TTC17: variants seen among roughly 807,000 people sequenced by gnomAD.
TTC17 encodes the protein tetratricopeptide repeat protein 17.
Under a neutral mutation model 143.8 loss-of-function variants are expected in TTC17, and 58 were observed. The observed-to-expected ratio is 0.40, with a 90% CI of 0.33 to 0.50. The LOEUF (loss-of-function observed/expected upper bound fraction) is 0.50. Among genes scored for constraint, TTC17 ranks in the 20% least tolerant of loss-of-function variants. The probability of loss-of-function intolerance (pLI) is 0.49; values close to 1 mark genes in which losing one functional copy is unlikely to be tolerated. For synonymous variants in TTC17, 501 were observed against 497.8 expected (o/e 1.01, Z -0.09); for missense variants, 1,273 against 1,392.5 (o/e 0.91, Z 1.37).
chr11:43,453,205 T>G, intron 21 of TTC17, among the ~76,000 whole-genome samples: 1 of 152,016 alleles, frequency 6.6e-6, no homozygotes, highest in East Asian at 1.9e-4. Context: ...AAATTGAAGA[T>G]AACATGTTAG....
chr11:43,434,176 C>CGG (rs1947227677), intron 16 of TTC17, among the ~76,000 whole-genome samples: 1 of 3,138 alleles, frequency 3.2e-4, no homozygotes, highest in Non-Finnish European at 8.2e-4. Flanking sequence ...GGGACACACA[C>CGG]ACACACACAC....
intron 15 of TTC17, among the ~76,000 whole-genome samples, chr11:43,409,630 G>A (rs1348809646): frequency 6.6e-6 from 1 of 152,178 alleles, no homozygotes; most frequent in Non-Finnish European, 1.5e-5. Context: ...AGAGTTAAAT[G>A]TACAGAGTAA....
At chr11:43,433,543 G>C (rs915187425) in intron 16 of TTC17, among the ~76,000 whole-genome samples, 1 of 152,168 alleles carries the variant, frequency 6.6e-6, no homozygotes, top group Non-Finnish European at 1.5e-5. Context: ...CACATGGCTT[G>C]CACAAGATGT....
chr11:43,370,894 ACTC>A (rs1856543097), intron 1 of TTC17, among the ~76,000 whole-genome samples: 1 of 151,758 alleles, frequency 6.6e-6, no homozygotes, highest in Non-Finnish European at 1.5e-5. Context: ...GCAGCCTCAA[ACTC>A]CTCAAGTGGT....
chr11:43,412,059 A>G (rs1201607832), intron 15 of TTC17, among the ~76,000 whole-genome samples: 1 of 152,246 alleles, frequency 6.6e-6, no homozygotes, highest in Non-Finnish European at 1.5e-5. Context: ...GCACACAAGC[A>G]AATATAAAAA....
At chr11:43,384,887 G>T (rs1192524789) in intron 2 of TTC17, among the ~76,000 whole-genome samples, 1 of 152,092 alleles carries the variant, frequency 6.6e-6, no homozygotes, top group Non-Finnish European at 1.5e-5. Context: ...TAGGTTTTCA[G>T]AATTTTAGAT....
chr11:43,400,156 T>C (rs1857786620), intron 9 of TTC17, 108 bp downstream of exon 9: 1 of 1,239,902 alleles, frequency 8.1e-7, no homozygotes, highest in Non-Finnish European at 1.1e-6. Flanking sequence ...GTTGTGTTTA[T>C]GACTTCCCTA....
chr11:43,464,050 TG>T (rs1198658779), intron 21 of TTC17, among the ~76,000 whole-genome samples: 13 of 151,706 alleles, frequency 8.6e-5, no homozygotes, highest in Non-Finnish European at 1.6e-4. Context: ...CTGAGGCGGG[TG>T]GATCACCTGA....
At chr11:43,389,956 A>G (rs1857313767) in intron 3 of TTC17, 135 bp downstream of exon 3, 3 of 666,500 alleles carry the variant, frequency 4.5e-6, no homozygotes, top group Non-Finnish European at 7.5e-6. Context: ...TTCAAAATAC[A>G]TACTACATGT....
In TTC17 at chr11:43,417,562, A is replaced by G. The variant is rs148681490; in HGVS notation, c.2251+2786A>G. Among the ~76,000 whole-genome samples the G allele has an allele frequency of 4.8e-4, 73 of 152,324 alleles. 1 individual carries two copies. In the East Asian group the frequency reaches 0.011, roughly 22 times the overall value. The stretch of plus-strand genomic sequence containing the variant: ...AATTCATGATAATTGTTGGCCAGGC[A>G]TGGTGGCTCATGCCTGTAATCCCAG... On this transcript the variant is annotated intron_variant, in intron 16 of 23. Transcript: ENST00000039989.
chr11:43,466,197 C>G (rs1214554744), intron 21 of TTC17, among the ~76,000 whole-genome samples: 12 of 152,124 alleles, frequency 7.9e-5, no homozygotes. Context: ...CACAAATCAT[C>G]AGGAAAATGC....
rs1471103319 is a variant in TTC17 at position 43,494,066 on chromosome 11, T to C, written c.*162T>C. Reference sequence around the variant, plus strand: ...TGTGGGAATTGGTTTGTTTTTGTTTTTACGTTTCTCCTTTCCCCCAACCAA... The same window carrying C: ...TGTGGGAATTGGTTTGTTTTTGTTTCTACGTTTCTCCTTTCCCCCAACCAA... On this transcript the variant is annotated 3_prime_UTR_variant, in exon 24 of 24. Coordinates refer to ENST00000039989, the MANE Select transcript of TTC17 (RefSeq NM_018259.6). The C allele has an allele frequency of 2.1e-5, 23 of 1,101,114 alleles. No individual in the cohort carries two copies. Among genetic ancestry groups the C allele is most frequent in the South Asian group, 4.1e-5 (2 of 49,018 alleles). 68.2% of individuals were successfully genotyped at this position (1,101,114 alleles called of 1,614,324 possible). A position where few individuals can be genotyped will look rare whatever the true frequency, so the allele number is the denominator to read the frequency against.
chr11:43,494,081 C>G lies in TTC17; in HGVS notation c.*177C>G. 2 of 880,096 alleles carry G rather than the reference C, an allele frequency of 2.3e-6. No homozygotes were observed. The highest frequency in any genetic ancestry group is 3.3e-6 in the Non-Finnish European group (2 of 613,944). The allele number at this position is 880,096 out of a possible 1,614,324, so 54.5% of individuals were successfully genotyped here. On this transcript the variant is annotated 3_prime_UTR_variant, in exon 24 of 24. Coordinates refer to ENST00000039989, the MANE Select transcript of TTC17 (RefSeq NM_018259.6). ...GTTTTTGTTTTTACGTTTCTCCTTT[C>G]CCCCAACCAACCTCAGAAGAGGCAC...
At chr11:43,394,020 A>G (rs11827196) in intron 5 of TTC17, among the ~76,000 whole-genome samples, 1 of 152,138 alleles carries the variant, frequency 6.6e-6, no homozygotes, top group East Asian at 1.9e-4. Context: ...TCCATTTCTT[A>G]TAAGGACACT....
At chr11:43,405,041 T>A (rs188956081) in intron 11 of TTC17, among the ~76,000 whole-genome samples, 386 of 151,782 alleles carry the variant, frequency 2.5e-3, no homozygotes, top group Non-Finnish European at 4.4e-3. Flanking sequence ...AAACTTCAGG[T>A]TTGGTTGATT....
At chr11:43,462,940 G>GA (rs1947898241) in intron 21 of TTC17, among the ~76,000 whole-genome samples, 3 of 64,462 alleles carry the variant, frequency 4.7e-5, no homozygotes, top group African/African-American at 2.8e-4. Context: ...TTTTGAGACA[G>GA]AGTCTCACTC....
intron 5 of TTC17, 121 bp from the exon 6 acceptor site, chr11:43,396,588 C>CA: frequency 8.0e-6 from 4 of 497,012 alleles, no homozygotes; most frequent in Non-Finnish European, 1.4e-5. Context: ...GCTTATCATT[C>CA]AGTCTGGCTC....
Position 43,359,281 on chromosome 11 carries a change from C to T in TTC17, c.159+168C>T, listed in dbSNP as rs540874191. 14 of 807,592 alleles carry T rather than the reference C, an allele frequency of 1.7e-5. No individual in the cohort carries two copies. In the African/African-American group the frequency reaches 1.8e-4, roughly 11 times the overall value. 50.0% of individuals were successfully genotyped at this position (807,592 alleles called of 1,614,324 possible). A position where few individuals can be genotyped will look rare whatever the true frequency, so the allele number is the denominator to read the frequency against. On this transcript the variant is annotated intron_variant, in intron 1 of 23. Coordinates refer to ENST00000039989, the MANE Select transcript of TTC17 (RefSeq NM_018259.6). ...CTGCATTCGGACCAGGCAGGCACTT[C>T]CCGCTCCCCACTTGTCTCCTGGTCC...
chr11:43,451,522 T>G, intron 21 of TTC17, among the ~76,000 whole-genome samples: 1 of 152,194 alleles, frequency 6.6e-6, no homozygotes, highest in Admixed American at 6.5e-5. Flanking sequence ...CCCCAGTATG[T>G]GTGTATAGAG....
Sources: gnomAD v4.1 joint callset for allele counts (sites outside exome capture counted in the v4.1 genomes callset) on GRCh38, gnomAD v4.1.1 for gene constraint, MANE v1.5 for transcripts, NCBI Gene and HGNC (gene_info 2026-07-23, HGNC 2026-07-21) for gene names.